Variants in RPTOR observed in about 807,000 individuals in gnomAD.
The protein encoded by RPTOR is regulatory associated protein of MTOR complex 1.
A neutral mutation model predicts 169.9 loss-of-function variants in RPTOR; 21 were observed. The observed-to-expected ratio is 0.12, with a 90% CI of 0.09 to 0.18. RPTOR has a LOEUF of 0.18. Ranked by LOEUF, RPTOR falls within the 10% of genes least tolerant of loss-of-function variation. RPTOR has a pLI of 1.00. For missense variants in RPTOR, 1,133 were observed against 1,855.9 expected (o/e 0.61, Z 7.16); for synonymous variants, 732 against 753.2 (o/e 0.97, Z 0.46).
intron 5 of RPTOR, among the ~76,000 whole-genome samples, chr17:80,737,978 C>T (rs1451909450): frequency 2.0e-5 from 3 of 152,178 alleles, no homozygotes; most frequent in Admixed American, 6.5e-5. Flanking sequence ...ATCCCCAAAG[C>T]CCCGCTGGGG....
At chr17:80,712,673 G>A (rs2066205064) in intron 4 of RPTOR, among the ~76,000 whole-genome samples, 1 of 152,178 alleles carries the variant, frequency 6.6e-6, no homozygotes, top group Admixed American at 6.5e-5. Flanking sequence ...CATTCATTTG[G>A]GTGAATACCT....
intron 3 of RPTOR, among the ~76,000 whole-genome samples, chr17:80,687,983 C>T (rs1164939343): frequency 1.3e-5 from 2 of 152,196 alleles, no homozygotes; most frequent in Non-Finnish European, 1.5e-5. Flanking sequence ...TGAAGCTTCA[C>T]CTCAGCACCG....
At chr17:80,714,428 A>G (rs1331838182) in intron 4 of RPTOR, among the ~76,000 whole-genome samples, 3 of 152,222 alleles carry the variant, frequency 2.0e-5, no homozygotes, top group African/African-American at 7.2e-5. Flanking sequence ...AATGTTCACC[A>G]TATGCTGAGC....
At chr17:80,834,229 G>T (rs112431639) in intron 9 of RPTOR, among the ~76,000 whole-genome samples, 1 of 152,244 alleles carries the variant, frequency 6.6e-6, no homozygotes, top group African/African-American at 2.4e-5. Flanking sequence ...GTTCAGGGCC[G>T]CTTCACTGTG....
At chr17:80,852,541 A>G (rs1477296226) in intron 11 of RPTOR, among the ~76,000 whole-genome samples, 3 of 152,186 alleles carry the variant, frequency 2.0e-5, no homozygotes. Flanking sequence ...TCCTGGGTCC[A>G]TGGTGAACCC....
At chr17:80,880,343 C>T (rs1364565380) in intron 13 of RPTOR, 72 bp from the exon 14 acceptor site, 53 of 1,277,770 alleles carry the variant, frequency 4.1e-5, no homozygotes, top group Non-Finnish European at 5.5e-5. Flanking sequence ...TATTCGTTCA[C>T]GCACCATGAG....
intron 3 of RPTOR, among the ~76,000 whole-genome samples, chr17:80,676,306 G>A (rs2065861126): frequency 6.6e-6 from 1 of 152,208 alleles, no homozygotes; most frequent in South Asian, 2.1e-4. Context: ...AAGTTTCTGA[G>A]GGAAGTGAAT....
At chr17:80,566,956 A>C (rs186721966) in intron 1 of RPTOR, among the ~76,000 whole-genome samples, 1 of 150,960 alleles carries the variant, frequency 6.6e-6, no homozygotes, top group Non-Finnish European at 1.5e-5. Flanking sequence ...TATGTTCTCT[A>C]TTAGCTTATT....
chr17:80,598,123 C>T (rs754211400), intron 1 of RPTOR, among the ~76,000 whole-genome samples: 9 of 151,298 alleles, frequency 5.9e-5, no homozygotes, highest in African/African-American at 9.8e-5. Context: ...GCCTGGGCAT[C>T]GGAGTGAAAC....
At chr17:80,921,859 T>A (rs1174814457) in intron 21 of RPTOR, among the ~76,000 whole-genome samples, 2 of 152,098 alleles carry the variant, frequency 1.3e-5, no homozygotes, top group African/African-American at 2.4e-5. Flanking sequence ...AGGGCAGGTT[T>A]CAGCCATGTC....
chr17:80,556,309 T>G (rs2084407916), intron 1 of RPTOR, among the ~76,000 whole-genome samples: 2 of 152,232 alleles, frequency 1.3e-5, no homozygotes, highest in South Asian at 2.1e-4. Flanking sequence ...CCCAGGAATT[T>G]GAGACCAACC....
At chr17:80,857,094 C>T (rs1240776124) in intron 12 of RPTOR, among the ~76,000 whole-genome samples, 1 of 152,232 alleles carries the variant, frequency 6.6e-6, no homozygotes, top group African/African-American at 2.4e-5. Context: ...GATAAGGACA[C>T]AGCAGAAACC....
At chr17:80,892,118 G>A (rs560809670) in intron 18 of RPTOR, among the ~76,000 whole-genome samples, 2 of 152,220 alleles carry the variant, frequency 1.3e-5, no homozygotes, top group East Asian at 3.9e-4. Flanking sequence ...TGCAGTAGGA[G>A]CTTGCGGAAA....
rs920096955 is a variant in RPTOR, at chr17:80,965,150, G to C, written c.*820G>C. The C allele has an allele frequency of 4.3e-6, 1 of 233,210 alleles. No individual in the cohort carries two copies. The highest frequency in any genetic ancestry group is 2.2e-5 in the African/African-American group (1 of 45,356). 14.4% of individuals were successfully genotyped at this position (233,210 alleles called of 1,614,324 possible). On this transcript the variant is annotated 3_prime_UTR_variant, in exon 34 of 34. Coordinates refer to ENST00000306801, the MANE Select transcript of RPTOR (RefSeq NM_020761.3). Reference sequence around the variant, plus strand: ...GGGGCTCCTTTCCCTCCGAAGGGCTGCTCTTCCCCACAGGCGCGGGGACAG... The same window carrying C: ...GGGGCTCCTTTCCCTCCGAAGGGCTCCTCTTCCCCACAGGCGCGGGGACAG...
chr17:80,950,528 C>G (rs2069162265), intron 28 of RPTOR, among the ~76,000 whole-genome samples: 2 of 151,876 alleles, frequency 1.3e-5, no homozygotes, highest in African/African-American at 2.4e-5. Flanking sequence ...TAGCCATGTT[C>G]TTAAGTTTCA....
chr17:80,743,242 T>C (rs2066502717), intron 5 of RPTOR: 2 of 985,318 alleles, frequency 2.0e-6, no homozygotes, highest in African/African-American at 3.5e-5. Context: ...ATTAGAGAAG[T>C]AAGCAGAAAC....
chr17:80,923,915 A>C, intron 23 of RPTOR: 1 of 532,064 alleles, frequency 1.9e-6, no homozygotes, highest in Non-Finnish European at 3.3e-6. Context: ...CTCTGCCTGC[A>C]CTCTTTAGGA....
chr17:80,602,932 C>T lies in RPTOR; in HGVS notation c.163-22759C>T, dbSNP rs552763938. 379 of 418,538 alleles carry T rather than the reference C, an allele frequency of 9.1e-4. 2 individuals carry two copies. Among genetic ancestry groups the T allele is most frequent in the African/African-American group, 7.1e-3 (347 of 49,126 alleles). The allele number at this position is 418,538 out of a possible 1,614,324, so 25.9% of individuals were successfully genotyped here. On this transcript the variant is annotated intron_variant, in intron 1 of 33. Transcript: ENST00000306801. ...TCCTTTTCTGCGGGAGCCATTCTGCCGGGTCCAAGTTGGAAAGGAAAAGGA... is the reference window on the plus strand; with the variant it reads ...TCCTTTTCTGCGGGAGCCATTCTGCTGGGTCCAAGTTGGAAAGGAAAAGGA...
intron 5 of RPTOR, among the ~76,000 whole-genome samples, chr17:80,738,112 G>A (rs983278808): frequency 1.3e-5 from 2 of 152,354 alleles, no homozygotes; most frequent in Non-Finnish European, 2.9e-5. Context: ...GGGAAACACA[G>A]GCCCATGGAG....
Sources: allele counts gnomAD v4.1 joint callset (sites outside exome capture counted in the v4.1 genomes callset), GRCh38; gene constraint gnomAD v4.1.1; transcripts MANE v1.5; gene names NCBI Gene and HGNC (gene_info 2026-07-23, HGNC 2026-07-21).